Variants in TNRC6B observed in about 807,000 individuals in gnomAD.
TNRC6B encodes trinucleotide repeat containing adaptor 6B.
TNRC6B carries 52 observed loss-of-function variants against 203.6 expected under a neutral mutation model. The observed-to-expected ratio is 0.26, with a 90% CI of 0.20 to 0.32. TNRC6B has a LOEUF of 0.32. TNRC6B is among the 10% of genes least tolerant of loss of function. TNRC6B has a pLI of 1.00. For synonymous variants in TNRC6B, 838 were observed against 845.7 expected (o/e 0.99, Z 0.16); for missense variants, 1,923 against 2,286.2 (o/e 0.84, Z 3.24).
At chr22:40,250,477 A>G (rs575322036) in intron 2 of TNRC6B, among the ~76,000 whole-genome samples, 83 of 152,150 alleles carry the variant, frequency 5.5e-4, no homozygotes, top group Admixed American at 1.1e-3. Flanking sequence ...TTTTTTTAAC[A>G]AAGCACCCTT....
chr22:40,211,781 A>G (rs2069567348), intron 1 of TNRC6B, among the ~76,000 whole-genome samples: 1 of 152,188 alleles, frequency 6.6e-6, no homozygotes, highest in Non-Finnish European at 1.5e-5. Context: ...CAAAACTGTT[A>G]GGGAGATATC....
Position 40,329,580 on chromosome 22 carries a change from A to G in TNRC6B, c.*6339A>G, listed in dbSNP as rs545646156. The stretch of plus-strand genomic sequence containing the variant: ...CCTAACCTGCTCACCATACCTCCCC[A>G]CCCCATGCCTCTGAAGAAAGAGGCC... On this transcript the variant is annotated 3_prime_UTR_variant, in exon 23 of 23. Transcript: ENST00000454349. 1 of 151,886 alleles carries G rather than the reference A, an allele frequency of 6.6e-6. No individual in the cohort carries two copies. The highest frequency in any genetic ancestry group is 2.4e-5 in the African/African-American group (1 of 41,378). The allele number at this position is 151,886 out of a possible 1,614,324, so 9.4% of individuals were successfully genotyped here.
chr22:40,119,805 C>T (rs572937820), intron 2 of TNRC6B, among the ~76,000 whole-genome samples: 46 of 152,314 alleles, frequency 3.0e-4, no homozygotes, highest in Non-Finnish European at 6.3e-4. Flanking sequence ...TAACCGCACA[C>T]TTCTGCATTG....
chr22:40,229,587 C>G (rs2069839426), intron 1 of TNRC6B, among the ~76,000 whole-genome samples: 1 of 152,074 alleles, frequency 6.6e-6, no homozygotes, highest in South Asian at 2.1e-4. Flanking sequence ...CTCCTCTTGC[C>G]CATTTATCAC....
chr22:40,278,682 A>T, intron 9 of TNRC6B, among the ~76,000 whole-genome samples: 1 of 152,086 alleles, frequency 6.6e-6, no homozygotes, highest in South Asian at 2.1e-4. Context: ...CTGAGCTATG[A>T]CAAGTCTTTC....
intron 1 of TNRC6B, among the ~76,000 whole-genome samples, chr22:40,227,986 C>T (rs1242261343): frequency 6.6e-6 from 1 of 152,112 alleles, no homozygotes; most frequent in African/African-American, 2.4e-5. Context: ...TAGTTCTTTC[C>T]AAGGCCATAG....
chr22:40,283,950 C>CATCT (rs1463827513), intron 11 of TNRC6B, among the ~76,000 whole-genome samples: 2 of 152,222 alleles, frequency 1.3e-5, no homozygotes, highest in South Asian at 2.1e-4. Context: ...GAATAATTGA[C>CATCT]ATCTAATAAC....
intron 18 of TNRC6B, 43 bp from the exon 19 acceptor site, chr22:40,312,859 A>G: frequency 1.9e-6 from 3 of 1,571,260 alleles, no homozygotes; most frequent in Non-Finnish European, 2.6e-6. Flanking sequence ...GGTTATACTG[A>G]CATTTATCTT....
chr22:40,315,830 G>T (rs568193159), intron 20 of TNRC6B, 112 bp from the exon 21 acceptor site: 72 of 861,426 alleles, frequency 8.4e-5, no homozygotes, highest in Admixed American at 6.5e-4. Flanking sequence ...GTGGAAAAGA[G>T]AATTTATAAA....
intron 1 of TNRC6B, among the ~76,000 whole-genome samples, chr22:40,242,904 C>G (rs1298539872): frequency 6.7e-6 from 1 of 150,218 alleles, no homozygotes; most frequent in Admixed American, 6.6e-5. Context: ...GAGTCTCGCT[C>G]TGTCACCCAG....
At chr22:40,108,942 C>T (rs1451597546) in intron 1 of TNRC6B, among the ~76,000 whole-genome samples, 2 of 151,370 alleles carry the variant, frequency 1.3e-5, no homozygotes, top group Non-Finnish European at 2.9e-5. Context: ...GCCACCCACC[C>T]CCAGCCAACA....
At chr22:40,170,842 CAT>C (rs1454775250) in intron 4 of TNRC6B, among the ~76,000 whole-genome samples, 7 of 73,836 alleles carry the variant, frequency 9.5e-5, no homozygotes, top group South Asian at 4.5e-4. Context: ...CATATATGTA[CAT>C]ATATGTGTGT....
intron 11 of TNRC6B, among the ~76,000 whole-genome samples, chr22:40,282,971 C>T (rs1490701544): frequency 1.3e-4 from 20 of 152,062 alleles, no homozygotes. Flanking sequence ...CCACACAAAC[C>T]TGCATTAGCA....
At chr22:40,303,853 G>A (rs1472826897) in intron 15 of TNRC6B, among the ~76,000 whole-genome samples, 1 of 152,234 alleles carries the variant, frequency 6.6e-6, no homozygotes, top group Non-Finnish European at 1.5e-5. Context: ...AGAGGTTGCA[G>A]TGAGCTGAGA....
At chr22:40,181,278 A>C (rs997297676) in intron 1 of TNRC6B, among the ~76,000 whole-genome samples, 1 of 152,194 alleles carries the variant, frequency 6.6e-6, no homozygotes, top group Non-Finnish European at 1.5e-5. Context: ...TGAGACCTTC[A>C]GGTTCTGCAG....
intron 3 of TNRC6B, among the ~76,000 whole-genome samples, chr22:40,139,880 A>C (rs937623379): frequency 2.0e-5 from 3 of 152,156 alleles, no homozygotes; most frequent in Non-Finnish European, 4.4e-5. Context: ...ACCATTTTAT[A>C]TTCTCACCAG....
rs1484852816 is a variant in TNRC6B at position 40,262,110 on chromosome 22, G to A, written c.394G>A (p.Ala132Thr). 1.5e-5 allele frequency: 23 copies of A among 1,521,804 alleles called. No individual in the cohort carries two copies. In the African/African-American group the frequency reaches 2.3e-4, roughly 15 times the overall value. The allele number at this position is 1,521,804 out of a possible 1,614,324, so 94.3% of individuals were successfully genotyped here. The change falls in exon 4 of 23, where the codon GCA (alanine) becomes ACA (threonine). Residue 132 changes from alanine (A) to threonine (T), a missense_variant. This residue lies in a region of TNRC6B where 614 missense variants were observed against 587.7 expected (regional missense o/e 1.04). Transcript: ENST00000454349. The part of the protein sequence containing the change: ...AGPPPCTAPG[A>T]NPNNAQVTGA... ...GCCTCCTCCCTGCACAGCACCTGGAGCAAACCCAAACAACGCACAAGTGAC... is the reference window on the plus strand; with the variant it reads ...GCCTCCTCCCTGCACAGCACCTGGAACAAACCCAAACAACGCACAAGTGAC...
chr22:40,060,618 C>G (rs1250490337), intron 1 of TNRC6B, among the ~76,000 whole-genome samples: 1 of 152,088 alleles, frequency 6.6e-6, no homozygotes, highest in Non-Finnish European at 1.5e-5. Context: ...ACACAGGGCC[C>G]AGCATATAGT....
chr22:40,105,264 T>G (rs1163144681), intron 1 of TNRC6B, among the ~76,000 whole-genome samples: 1 of 152,258 alleles, frequency 6.6e-6, no homozygotes, highest in South Asian at 2.1e-4. Flanking sequence ...AATTTTATTT[T>G]TGTTTTGATT....
Sources: allele counts gnomAD v4.1 joint callset (sites outside exome capture counted in the v4.1 genomes callset), GRCh38; gene constraint gnomAD v4.1.1; regional missense constraint gnomAD v4.1.1; transcripts MANE v1.5; gene names NCBI Gene and HGNC (gene_info 2026-07-23, HGNC 2026-07-21).